VEZT: variants seen among roughly 807,000 people sequenced by gnomAD.
VEZT encodes vezatin, adherens junctions transmembrane protein, also known as vezatin.
Under a neutral mutation model 79.9 loss-of-function variants are expected in VEZT, and 39 were observed. The observed-to-expected ratio is 0.49, with a 90% confidence interval of 0.38 to 0.64. VEZT has a LOEUF of 0.64. Among genes scored for constraint, VEZT ranks in the 30% least tolerant of loss-of-function variants. The pLI, the probability that VEZT is intolerant of heterozygous loss-of-function variation, is 0.00. For synonymous variants in VEZT, 325 were observed against 327.6 expected (o/e 0.99, Z 0.09); for missense variants, 837 against 893.1 (o/e 0.94, Z 0.80).
intron 10 of VEZT, among the ~76,000 whole-genome samples, chr12:95,295,156 A>C (rs575802833): frequency 6.6e-6 from 1 of 152,000 alleles, no homozygotes; most frequent in Non-Finnish European, 1.5e-5. Context: ...AGATTTTCCA[A>C]AGTGCTTGGT....
intron 4 of VEZT, among the ~76,000 whole-genome samples, chr12:95,264,927 C>T (rs540626296): frequency 1.5e-5 from 2 of 137,570 alleles, no homozygotes; most frequent in South Asian, 4.6e-4. Flanking sequence ...GGCTGGAGTG[C>T]AGTGGCATGA....
intron 3 of VEZT, among the ~76,000 whole-genome samples, chr12:95,260,201 G>C (rs897413575): frequency 1.3e-5 from 2 of 149,744 alleles, no homozygotes; most frequent in Non-Finnish European, 3.0e-5. Flanking sequence ...TGCCTCCCAG[G>C]CTCAAGCAAT....
intron 7 of VEZT, among the ~76,000 whole-genome samples, chr12:95,276,050 A>G (rs2067639605): frequency 6.6e-6 from 1 of 152,108 alleles, no homozygotes; most frequent in Non-Finnish European, 1.5e-5. Flanking sequence ...CAATGGTGAA[A>G]GTATAAACTG....
chr12:95,226,846 T>G (rs1194183325), intron 1 of VEZT, among the ~76,000 whole-genome samples: 1 of 152,208 alleles, frequency 6.6e-6, no homozygotes, highest in East Asian at 1.9e-4. Context: ...GTACTTTCAA[T>G]GTTAATTCCA....
chr12:95,238,745 A>T (rs574340658), intron 1 of VEZT, among the ~76,000 whole-genome samples: 1 of 152,330 alleles, frequency 6.6e-6, no homozygotes, highest in South Asian at 2.1e-4. Context: ...CAGAAATCTT[A>T]ATCTTGATCC....
In VEZT at chr12:95,230,104, C is replaced by CAA. The variant is rs11386464; in HGVS notation, c.36+12236_36+12237dup. On this transcript the variant is annotated intron_variant, in intron 1 of 11. Coordinates refer to ENST00000436874, the MANE Select transcript of VEZT (RefSeq NM_017599.4). ...TGGGCAACAGAGAGAGATTCCGTCT[C>CAA]AAAAAAAAAAAAAAAAAAACGAAGT... Among the ~76,000 whole-genome samples, 676 of 72,130 alleles carry CAA rather than the reference C, an allele frequency of 9.4e-3. 12 individuals are homozygous for CAA. Among genetic ancestry groups the CAA allele is most frequent in the African/African-American group, 0.023 (526 of 22,576 alleles). The allele number at this position is 72,130 out of a possible 152,430, so 47.3% of individuals were successfully genotyped here.
At position 95,300,368 on chromosome 12, in the gene VEZT, A is replaced by G. The variant is rs753244095; in HGVS notation, c.2035A>G (p.Asn679Asp). ...AGGTAAAAATAAAGATAATTCTTCA[A>G]ATGAAGTCTTCCCCCAAGGAGCAGA... ...LEGKNKDNSSNEVFPQGAEER... is the reference protein window; with the variant it reads ...LEGKNKDNSSDEVFPQGAEER... The change falls in exon 12 of 12, where the codon AAT becomes GAT. Residue 679 changes from asparagine (N) to aspartate (D), a missense_variant. Asn to Asp is a conservative substitution (Grantham distance 23). Transcript: ENST00000436874. 1 of 1,613,734 alleles carries G rather than the reference A, an allele frequency of 6.2e-7. No homozygotes were observed. The highest frequency in any genetic ancestry group is 2.2e-5 in the East Asian group (1 of 44,880).
chr12:95,289,466 TC>T (rs2072111690), intron 9 of VEZT, among the ~76,000 whole-genome samples: 1 of 143,726 alleles, frequency 7.0e-6, no homozygotes, highest in South Asian at 2.3e-4. Flanking sequence ...CATTCATCCC[TC>T]CTTTAGCACA....
At chr12:95,257,287 GT>G (rs748202185) in intron 3 of VEZT, 48 bp downstream of exon 3, 252 of 1,383,102 alleles carry the variant, frequency 1.8e-4, no homozygotes, top group Non-Finnish European at 2.5e-4. Flanking sequence ...TAGGTTATTA[GT>G]GAAATAATTG....
chr12:95,245,438 T>G, intron 1 of VEZT: 1 of 451,798 alleles, frequency 2.2e-6, no homozygotes, highest in East Asian at 7.0e-5. Flanking sequence ...GTTGAAAGCT[T>G]GATGAACCGT....
At chr12:95,298,422 T>A (rs1197181652) in intron 11 of VEZT, among the ~76,000 whole-genome samples, 1 of 152,190 alleles carries the variant, frequency 6.6e-6, no homozygotes. Context: ...AGAGATTAAT[T>A]TTAGGCACTG....
At chr12:95,290,205 A>G (rs1388529504) in intron 9 of VEZT, among the ~76,000 whole-genome samples, 1 of 152,226 alleles carries the variant, frequency 6.6e-6, no homozygotes, top group Non-Finnish European at 1.5e-5. Context: ...TTCATGATAA[A>G]TATTTTGTAA....
At chr12:95,219,170 TGAA>T (rs2057178589) in intron 1 of VEZT, among the ~76,000 whole-genome samples, 1 of 152,190 alleles carries the variant, frequency 6.6e-6, no homozygotes, top group Admixed American at 6.5e-5. Context: ...ATGTGGTAGC[TGAA>T]GGAGAGAGAA....
intron 11 of VEZT, chr12:95,299,926 A>T (rs564862752): frequency 6.0e-5 from 17 of 283,726 alleles, no homozygotes; most frequent in African/African-American, 3.7e-4. Context: ...ATAAGATAAT[A>T]TGTGAGGTGT....
At position 95,300,961 on chromosome 12, in the gene VEZT, A is replaced by G. The variant is rs1180861897; in HGVS notation, c.*288A>G. 4.9e-6 allele frequency: 1 copy of G among 205,962 alleles called. No individual in the cohort carries two copies. The highest frequency in any genetic ancestry group is 9.5e-6 in the Non-Finnish European group (1 of 104,978). 12.8% of individuals were successfully genotyped at this position (205,962 alleles called of 1,614,324 possible). A position where few individuals can be genotyped will look rare whatever the true frequency, so the allele number is the denominator to read the frequency against. The stretch of plus-strand genomic sequence containing the variant: ...ATTCTTTAAGTATTTTTAATAAGAA[A>G]TGAATTATCATTTCTTGCCAGAATT... On this transcript the variant is annotated 3_prime_UTR_variant, in exon 12 of 12. Transcript: ENST00000436874.
intron 4 of VEZT, among the ~76,000 whole-genome samples, chr12:95,264,184 C>A (rs576245573): frequency 1.3e-5 from 2 of 152,216 alleles, no homozygotes; most frequent in East Asian, 3.9e-4. Context: ...CAGATATGAT[C>A]ATGAAGAAGT....
chr12:95,224,251 T>C, intron 1 of VEZT: 1 of 455,834 alleles, frequency 2.2e-6, no homozygotes, highest in South Asian at 1.5e-5. Flanking sequence ...GGGTGTTTCT[T>C]GTCTGAATTC....
chr12:95,265,822 G>A (rs1193110100), intron 4 of VEZT, among the ~76,000 whole-genome samples: 1 of 152,116 alleles, frequency 6.6e-6, no homozygotes, highest in Non-Finnish European at 1.5e-5. Flanking sequence ...CAGGCAAAAA[G>A]GAAAGAGAAG....
chr12:95,231,704 C>T (rs6538621), intron 1 of VEZT, among the ~76,000 whole-genome samples: 43,413 of 151,692 alleles, frequency 0.29, 7,078 homozygotes, highest in African/African-American at 0.45. Flanking sequence ...GTGTAAGCTC[C>T]GAAAAGCATT....
Sources: gnomAD v4.1 joint callset for allele counts (sites outside exome capture counted in the v4.1 genomes callset) on GRCh38, gnomAD v4.1.1 for gene constraint, MANE v1.5 for transcripts, NCBI Gene and HGNC (gene_info 2026-07-23, HGNC 2026-07-21) for gene names.